The following TTN variants were observed in gnomAD, a reference collection of about 807,000 sequenced individuals.
TTN encodes titin.
Under a neutral mutation model 3,223.0 loss-of-function variants are expected in TTN, and 1,525 were observed. That is an observed-to-expected ratio of 0.47 (90% CI 0.45 to 0.49). The LOEUF (loss-of-function observed/expected upper bound fraction) is 0.49, where lower values mean the gene tolerates loss of function less well. Ranked by LOEUF, TTN falls within the 20% of genes least tolerant of loss-of-function variation. The pLI, the probability that TTN is intolerant of heterozygous loss-of-function variation, is 0.00. For missense variants in TTN, 40,786 were observed against 43,424.0 expected (o/e 0.94, Z 5.40); for synonymous variants, 14,094 against 15,161.0 (o/e 0.93, Z 5.17).
intron 226 of TTN, 71 bp downstream of exon 226, chr2:178,635,892 A>G: frequency 6.5e-7 from 1 of 1,531,896 alleles, no homozygotes; most frequent in Non-Finnish European, 8.7e-7. Context: ...TAATACTGGG[A>G]AACGAGGTCC....
intron 224 of TTN, among the ~76,000 whole-genome samples, 181 bp downstream of exon 224, chr2:178,637,185 ATAT>A (rs2060589903): frequency 7.8e-6 from 1 of 128,454 alleles, no homozygotes; most frequent in Admixed American, 7.8e-5. Context: ...ATATATATAT[ATAT>A]ATCTCCTTGC....
Position 178,604,210 on chromosome 2 carries a change from G to A in TTN, c.54477C>T (p.Val18159=). 2.5e-6 allele frequency: 4 copies of A among 1,611,004 alleles called. No individual in the cohort carries two copies. The highest frequency in any genetic ancestry group is 3.4e-6 in the Non-Finnish European group (4 of 1,178,376). Reference sequence around the variant, plus strand: ...CAGGAAGGCGATAAGGATCTTGAATGACTACTTTATCTGATTTGCACTCAT... The same window carrying A: ...CAGGAAGGCGATAAGGATCTTGAATAACTACTTTATCTGATTTGCACTCAT... ...ISDECKSDKV[V]IQDPYRLPGP... is the part of the protein sequence containing the mutation. The change falls in exon 282 of 363, where the codon GTC becomes GTT. Residue 18159 remains valine, a synonymous_variant. Coordinates refer to ENST00000589042, the MANE Select transcript of TTN (RefSeq NM_001267550.2).
In TTN at chr2:178,598,496, GTTT is replaced by G. The variant is rs754864779; in HGVS notation, c.57111+7_57111+9del. The G allele has an allele frequency of 1.2e-6, 2 of 1,604,634 alleles. No individual in the cohort carries two copies. The highest frequency in any genetic ancestry group is 1.7e-6 in the Non-Finnish European group (2 of 1,177,648). Reference sequence around the variant, plus strand: ...TCATAGTGCATTTCCTTAGTGCCAAGTTTTCCTACCTTTTCCCATTCTTCTTTT... The same window carrying G: ...TCATAGTGCATTTCCTTAGTGCCAAGTCCTACCTTTTCCCATTCTTCTTTT... On this transcript the variant is annotated splice_region_variant and intron_variant, in intron 292 of 362. Coordinates refer to ENST00000589042, the MANE Select transcript of TTN (RefSeq NM_001267550.2).
At chr2:178,718,280 G>A in intron 85 of TTN, 42 bp downstream of exon 85, 1 of 1,598,204 alleles carries the variant, frequency 6.3e-7, no homozygotes, top group Non-Finnish European at 8.5e-7. Context: ...GAGGATGTTT[G>A]AAAAGAAAGA....
Position 178,772,993 on chromosome 2 carries a change from A to T in TTN, c.7855+116T>A, listed in dbSNP as rs751592101. The stretch of plus-strand genomic sequence containing the variant: ...TGCAAGTACTATTGGCTTTGGGAAC[A>T]GCATAAGCAGAGGCATGGAAGTGGG... On this transcript the variant is annotated intron_variant, in intron 33 of 362. Transcript: ENST00000589042. 2.0e-4 allele frequency: 276 copies of T among 1,352,618 alleles called. 7 individuals carry two copies. The South Asian group carries it at 3.2e-3, about 15-fold the overall frequency. 83.8% of individuals were successfully genotyped at this position (1,352,618 alleles called of 1,614,324 possible).
In TTN at chr2:178,787,517, A is replaced by C. The variant is rs189169861; in HGVS notation, c.2077-1376T>G. On this transcript the variant is annotated intron_variant, in intron 13 of 362. Coordinates refer to ENST00000589042, the MANE Select transcript of TTN (RefSeq NM_001267550.2). ...TTCGACAGATAACACTAAATAAATA[A>C]ATATTATTTTGATTGTAGTGTGATC... 2.0e-3 allele frequency among the ~76,000 whole-genome samples: 312 copies of C among 152,258 alleles called. 7 individuals carry two copies. In the South Asian group the frequency reaches 0.025, roughly 12 times the overall value.
In TTN at chr2:178,594,333, T is replaced by C. The variant is rs2050941767; in HGVS notation, c.58150+11A>G. ...CAAGTTTCAGAAGTATAAATTGTAGTAGACACATACCCAGCTCATCCTTGC... is the reference window on the plus strand; with the variant it reads ...CAAGTTTCAGAAGTATAAATTGTAGCAGACACATACCCAGCTCATCCTTGC... On this transcript the variant is annotated intron_variant, in intron 296 of 362. Transcript: ENST00000589042. 1 of 1,591,784 alleles carries C rather than the reference T, an allele frequency of 6.3e-7. No individual in the cohort carries two copies. Among genetic ancestry groups the C allele is most frequent in the Non-Finnish European group, 8.5e-7 (1 of 1,171,378 alleles).
At position 178,547,989 on chromosome 2, in the gene TTN, G is replaced by T; in HGVS notation, c.93637C>A (p.Pro31213Thr). 6.2e-7 allele frequency: 1 copy of T among 1,613,628 alleles called. No homozygotes were observed. The highest frequency in any genetic ancestry group is 8.5e-7 in the Non-Finnish European group (1 of 1,179,682). Reference protein sequence around the residue: ...SVIIKEPQIEPTADLTGITNQ... With the variant: ...SVIIKEPQIETTADLTGITNQ... ...GTAATTCCAGTGAGGTCAGCAGTGG[G>T]CTCGATTTGAGGCTCCTTAATGATG... is the stretch of plus-strand genomic sequence containing the variant. The change falls in exon 339 of 363, where the codon CCC becomes ACC. Residue 31213 changes from proline (P) to threonine (T), a missense_variant. By Grantham distance (38) the Pro-to-Thr change is conservative. Transcript: ENST00000589042.
chr2:178,549,824 G>T lies in TTN; in HGVS notation c.91898C>A (p.Thr30633Asn), dbSNP rs780636599. The change falls in exon 338 of 363, where the codon ACT becomes AAT. Residue 30633 changes from threonine (T) to asparagine (N), a missense_variant. By Grantham distance (65) the Thr-to-Asn change is moderately conservative (BLOSUM62 0). Coordinates refer to ENST00000589042, the MANE Select transcript of TTN (RefSeq NM_001267550.2). ...CCACCACAGAGTCATCTTCTCCCCA[G>T]TAATATTGGTGAATCTTATTGGCCC... ...VVGPIRFTNI[T>N]GEKMTLWWDA... 1 of 1,598,014 alleles carries T rather than the reference G, an allele frequency of 6.3e-7. No homozygotes were observed.
Position 178,599,706 on chromosome 2 carries a change from A to C in TTN, c.56195T>G (p.Val18732Gly). The change falls in exon 289 of 363, where the codon GTT (valine) becomes GGT (glycine). Residue 18732 changes from valine (V) to glycine (G), a missense_variant. Val to Gly is a moderately radical substitution (Grantham distance 109). Transcript: ENST00000589042. ...TTTGTTGACATGGGTGTCATAGAGA[A>C]CAGGTTCTTTGTTATCAGGCTTCTT... ...PPKKPDNKEPVLYDTHVNKLV... is the reference protein window; with the variant it reads ...PPKKPDNKEPGLYDTHVNKLV... The C allele has an allele frequency of 6.2e-7, 1 of 1,613,060 alleles. No homozygotes were observed.
rs200430493 is a variant in TTN, at chr2:178,534,095, C to T, written c.102520G>A (p.Val34174Ile). Residue 34174 changes from valine to isoleucine, a missense_variant, in exon 358 of 363, where the codon GTC becomes ATC. Val to Ile is a conservative substitution (Grantham distance 29). Coordinates refer to ENST00000589042, the MANE Select transcript of TTN (RefSeq NM_001267550.2). ...QSTQVTWYFG[V>I]RQLENSEKYE... ...TTCTCACTGTTCTCCAGCTGTCGGA[C>T]GCCAAAGTACCAAGTCACTTGGGTA... The T allele has an allele frequency of 8.3e-5, 134 of 1,613,818 alleles. No individual in the cohort carries two copies. The highest frequency in any genetic ancestry group is 3.2e-4 in the African/African-American group (24 of 74,920).
At chr2:178,688,050 T>C (rs1001043394) in intron 127 of TTN, 61 bp downstream of exon 127, 11 of 1,401,640 alleles carry the variant, frequency 7.8e-6, no homozygotes, top group Non-Finnish European at 1.1e-5. Context: ...TGTAGACAAT[T>C]TGTGAAAGAA....
At position 178,541,413 on chromosome 2, in the gene TTN, GTCACAGGTACTT is replaced by G. The variant is rs1474061506; in HGVS notation, c.97652_97663del (p.Lys32551_Val32554del). On this transcript the variant is annotated inframe_deletion, in exon 350 of 363. Coordinates refer to ENST00000589042, the MANE Select transcript of TTN (RefSeq NM_001267550.2). ...GCCAGTGGAGCGGTACCGTGTCATTGTCACAGGTACTTTATTTACACGGACCCATCGATCTGC... is the reference window on the plus strand; with the variant it reads ...GCCAGTGGAGCGGTACCGTGTCATTGTATTTACACGGACCCATCGATCTGC... The G allele has an allele frequency of 1.9e-6, 3 of 1,613,172 alleles. No homozygotes were observed. The highest frequency in any genetic ancestry group is 1.7e-6 in the Non-Finnish European group (2 of 1,179,502).
chr2:178,751,136 T>C (rs1238215485), intron 47 of TTN: 2 of 1,612,714 alleles, frequency 1.2e-6, no homozygotes, highest in Admixed American at 1.7e-5. Context: ...TTCAGCTAGA[T>C]CAGACATAGA....
rs2062693955 is a variant in TTN at position 178,650,124 on chromosome 2, A to G, written c.39817+40T>C. On this transcript the variant is annotated intron_variant, in intron 210 of 362. Coordinates refer to ENST00000589042, the MANE Select transcript of TTN (RefSeq NM_001267550.2). ...GAAGATATATAGACATGAAAAATGAAATGACTGTATTTTCCCATACAGTGG... is the reference window on the plus strand; with the variant it reads ...GAAGATATATAGACATGAAAAATGAGATGACTGTATTTTCCCATACAGTGG... 3 of 1,515,056 alleles carry G rather than the reference A, an allele frequency of 2.0e-6. No homozygotes were observed. The African/African-American group carries it at 4.2e-5, about 21-fold the overall frequency. 93.9% of individuals were successfully genotyped at this position (1,515,056 alleles called of 1,614,324 possible).
At position 178,664,045 on chromosome 2, in the gene TTN, G is replaced by T. The variant is rs1355115044; in HGVS notation, c.36334C>A (p.Pro12112Thr). 3.7e-6 allele frequency: 6 copies of T among 1,613,108 alleles called. No individual in the cohort carries two copies. In the Admixed American group the frequency reaches 1.0e-4, roughly 27 times the overall value. The change falls in exon 169 of 363, where the codon CCT (proline) becomes ACT (threonine). Residue 12112 changes from proline (P) to threonine (T), a missense_variant. By Grantham distance (38) the Pro-to-Thr change is conservative. Coordinates refer to ENST00000589042, the MANE Select transcript of TTN (RefSeq NM_001267550.2). ...ACAGGTGGGACTTCAGGCTTTTTAG[G>T]AGGCACCACCGACACTTTCTTTTCA... ...IPEKKVSVVPPKKPEVPPVKV... is the reference protein window; with the variant it reads ...IPEKKVSVVPTKKPEVPPVKV...
At chr2:178,701,699 C>T in intron 109 of TTN, 112 bp from the exon 110 acceptor site, 1 of 1,063,830 alleles carries the variant, frequency 9.4e-7, no homozygotes. Flanking sequence ...TATCTAATGG[C>T]AGAATCTAAT....
At position 178,612,425 on chromosome 2, in the gene TTN, T is replaced by C; in HGVS notation, c.50100A>G (p.Thr16700=). 6.2e-7 allele frequency: 1 copy of C among 1,612,588 alleles called. No individual in the cohort carries two copies. The highest frequency in any genetic ancestry group is 8.5e-7 in the Non-Finnish European group (1 of 1,179,210). ...KRDVRRKGWQ[T]VDTTVKDTKC... The stretch of plus-strand genomic sequence containing the variant: ...TGGTGTCCTTGACAGTGGTATCCAC[T>C]GTTTGCCAGCCTTTTCGCCTGACGT... Residue 16700 remains threonine (T), a synonymous_variant, in exon 266 of 363, where the codon ACA becomes ACG. Transcript: ENST00000589042.
At chr2:178,712,261 A>G (rs1199813489) in intron 95 of TTN, 39 bp from the exon 96 acceptor site, 3 of 1,609,094 alleles carry the variant, frequency 1.9e-6, no homozygotes, top group Admixed American at 1.7e-5. Flanking sequence ...CATGAAGGAG[A>G]CATGCCAGAT....
Sources: gnomAD v4.1 joint callset for allele counts (sites outside exome capture counted in the v4.1 genomes callset) on GRCh38, gnomAD v4.1.1 for gene constraint, MANE v1.5 for transcripts, NCBI Gene and HGNC (gene_info 2026-07-23, HGNC 2026-07-21) for gene names.